GRIN2A: variants seen among roughly 807,000 people sequenced by gnomAD.
GRIN2A encodes the protein glutamate receptor ionotropic, NMDA 2A.
Under a neutral mutation model 113.4 loss-of-function variants are expected in GRIN2A, and 22 were observed. The observed-to-expected ratio is 0.19, with a 90% CI of 0.14 to 0.28. The LOEUF (loss-of-function observed/expected upper bound fraction) is 0.28, where lower values mean the gene tolerates loss of function less well. Ranked by LOEUF, GRIN2A falls within the 10% of genes least tolerant of loss-of-function variation. GRIN2A has a pLI of 1.00. For missense variants in GRIN2A, 1,502 were observed against 1,887.0 expected, an observed-to-expected ratio of 0.80 and a Z score of 3.78; for synonymous variants, 827 against 738.4, an observed-to-expected ratio of 1.12 and a Z score of -1.94.
intron 2 of GRIN2A, among the ~76,000 whole-genome samples, chr16:10,139,373 G>T (rs1027226625): frequency 6.6e-6 from 1 of 152,158 alleles, no homozygotes; most frequent in African/African-American, 2.4e-5. Flanking sequence ...GAGGCCTAGG[G>T]CAAGAGGGGC....
chr16:9,816,926 C>T (rs2042197526), intron 10 of GRIN2A, among the ~76,000 whole-genome samples: 1 of 152,186 alleles, frequency 6.6e-6, no homozygotes, highest in African/African-American at 2.4e-5. Context: ...CGCTCATCCA[C>T]CTTTGGTTCA....
At chr16:9,952,878 A>G (rs2045216106) in intron 2 of GRIN2A, among the ~76,000 whole-genome samples, 1 of 152,224 alleles carries the variant, frequency 6.6e-6, no homozygotes, top group South Asian at 2.1e-4. Context: ...GGGAGGAAGA[A>G]AGAGCATGGA....
intron 2 of GRIN2A, among the ~76,000 whole-genome samples, chr16:10,166,744 C>T (rs937081470): frequency 6.6e-5 from 10 of 152,128 alleles, no homozygotes; most frequent in Non-Finnish European, 1.5e-4. Flanking sequence ...ACACTGCATG[C>T]GTCTACCTAT....
At chr16:10,048,680 T>C (rs996652617) in intron 2 of GRIN2A, among the ~76,000 whole-genome samples, 3 of 152,168 alleles carry the variant, frequency 2.0e-5, no homozygotes, top group African/African-American at 7.2e-5. Flanking sequence ...GAAATGAGCA[T>C]TCCTCGGGCT....
At chr16:10,109,987 G>C (rs146795061) in intron 2 of GRIN2A, among the ~76,000 whole-genome samples, 2,176 of 152,064 alleles carry the variant, frequency 0.014, 56 homozygotes, top group African/African-American at 0.05. Flanking sequence ...TGCCATGCTG[G>C]TGTGCTGCAT....
chr16:9,976,714 T>A (rs2045780095), intron 2 of GRIN2A, among the ~76,000 whole-genome samples: 2 of 152,118 alleles, frequency 1.3e-5, no homozygotes, highest in South Asian at 4.2e-4. Flanking sequence ...AGTAATGAAA[T>A]CACAGGCGCA....
chr16:10,156,291 T>C (rs1457561151), intron 2 of GRIN2A, among the ~76,000 whole-genome samples: 1 of 152,220 alleles, frequency 6.6e-6, no homozygotes, highest in African/African-American at 2.4e-5. Context: ...GATCATCGCA[T>C]GTGGTCAGCT....
intron 2 of GRIN2A, among the ~76,000 whole-genome samples, chr16:9,984,118 C>T (rs547657503): frequency 8.3e-4 from 126 of 152,194 alleles, no homozygotes; most frequent in African/African-American, 2.8e-3. Context: ...ACTGTGGTTT[C>T]GATTTGCATT....
chr16:9,814,120 T>C (rs575529999), intron 10 of GRIN2A, among the ~76,000 whole-genome samples: 2 of 152,294 alleles, frequency 1.3e-5, no homozygotes, highest in African/African-American at 4.8e-5. Context: ...GAAATGATAA[T>C]GCTGTGATTT....
chr16:9,978,586 A>G (rs2045822314), intron 2 of GRIN2A, among the ~76,000 whole-genome samples: 1 of 151,780 alleles, frequency 6.6e-6, no homozygotes, highest in South Asian at 2.1e-4. Context: ...TAATGAAGCA[A>G]GATCTTCCCT....
chr16:10,007,492 C>A (rs1261654502), intron 2 of GRIN2A, among the ~76,000 whole-genome samples: 1 of 151,942 alleles, frequency 6.6e-6, no homozygotes, highest in African/African-American at 2.4e-5. Context: ...ATCTTTTTCC[C>A]ATTGAGTTGT....
At chr16:9,973,027 G>C (rs1480838881) in intron 2 of GRIN2A, among the ~76,000 whole-genome samples, 4 of 152,176 alleles carry the variant, frequency 2.6e-5, no homozygotes, top group African/African-American at 7.2e-5. Flanking sequence ...CCTGCTGTGA[G>C]TCCGTTCCTG....
At chr16:9,893,181 TG>T (rs1183703705) in intron 3 of GRIN2A, among the ~76,000 whole-genome samples, 1 of 152,180 alleles carries the variant, frequency 6.6e-6, no homozygotes, top group African/African-American at 2.4e-5. Flanking sequence ...ATCATGTTTT[TG>T]AAGACAAATT....
chr16:9,966,026 A>G (rs140075788), intron 2 of GRIN2A, among the ~76,000 whole-genome samples: 1 of 152,330 alleles, frequency 6.6e-6, no homozygotes, highest in Admixed American at 6.5e-5. Context: ...TTAAGCCCAG[A>G]ATCTGAATTT....
intron 2 of GRIN2A, among the ~76,000 whole-genome samples, chr16:10,086,482 G>A (rs2048086963): frequency 6.6e-6 from 1 of 151,936 alleles, no homozygotes; most frequent in East Asian, 1.9e-4. Context: ...ACAACTAACA[G>A]CTGTCTGGCC....
chr16:10,127,708 G>A (rs960078983), intron 2 of GRIN2A, among the ~76,000 whole-genome samples: 10 of 152,210 alleles, frequency 6.6e-5, no homozygotes, highest in African/African-American at 2.4e-4. Flanking sequence ...TTGTGGAATT[G>A]ATGGATGAAT....
intron 2 of GRIN2A, among the ~76,000 whole-genome samples, chr16:10,002,530 A>G (rs955127703): frequency 3.9e-5 from 6 of 152,200 alleles, no homozygotes; most frequent in Non-Finnish European, 5.9e-5. Flanking sequence ...ATCTATAGGT[A>G]CCTTCCTCAC....
At position 9,829,953 on chromosome 16, in the gene GRIN2A, T is replaced by C. The variant is rs577163568; in HGVS notation, c.1778-301A>G. ...GTAGTGTTATGACCTGTTTTAAATT[T>C]GGATTTGATTCCCATTTGAGGAAAC... On this transcript the variant is annotated intron_variant, in intron 8 of 12. Coordinates refer to ENST00000330684, the MANE Select transcript of GRIN2A (RefSeq NM_001134407.3). Among the ~76,000 whole-genome samples, 16 of 152,360 alleles carry C rather than the reference T, an allele frequency of 1.1e-4. No homozygotes were observed. In the South Asian group the frequency reaches 3.1e-3, roughly 30 times the overall value.
At chr16:10,029,559 A>C (rs199906026) in intron 2 of GRIN2A, among the ~76,000 whole-genome samples, 3 of 152,372 alleles carry the variant, frequency 2.0e-5, no homozygotes, top group East Asian at 3.9e-4. Flanking sequence ...GTAAACAGTA[A>C]AACATAATGC....
Sources: allele counts gnomAD v4.1 joint callset (sites outside exome capture counted in the v4.1 genomes callset), GRCh38; gene constraint gnomAD v4.1.1; transcripts MANE v1.5; gene names NCBI Gene and HGNC (gene_info 2026-07-23, HGNC 2026-07-21).